GPC5: variants seen among roughly 807,000 people sequenced by gnomAD.
GPC5 encodes the protein glypican 5, also known as glypican-5.
A neutral mutation model predicts 53.9 loss-of-function variants in GPC5; 47 were observed. The observed-to-expected ratio is 0.87, with a 90% CI of 0.69 to 1.11. The LOEUF (loss-of-function observed/expected upper bound fraction) is 1.11. Among genes scored for constraint, GPC5 ranks in the 50% most tolerant of loss-of-function variants. The pLI is 0.00. For synonymous variants in GPC5, 286 were observed against 263.3 expected (o/e 1.09, Z -0.84); for missense variants, 748 against 713.1 (o/e 1.05, Z -0.56).
chr13:92,413,104 C>G (rs1392571935), intron 7 of GPC5, among the ~76,000 whole-genome samples: 1 of 152,106 alleles, frequency 6.6e-6, no homozygotes, highest in Non-Finnish European at 1.5e-5. Context: ...ATTTTATAGA[C>G]AAAGACGCAG....
intron 7 of GPC5, among the ~76,000 whole-genome samples, chr13:92,402,822 G>A (rs1875619672): frequency 6.6e-6 from 1 of 152,144 alleles, no homozygotes; most frequent in South Asian, 2.1e-4. Context: ...GTGCTCATTT[G>A]GAATATCTCA....
intron 6 of GPC5, among the ~76,000 whole-genome samples, chr13:91,975,520 A>G (rs1452398541): frequency 2.0e-5 from 3 of 152,270 alleles, no homozygotes; most frequent in Non-Finnish European, 4.4e-5. Flanking sequence ...ACATGAAAAA[A>G]TGCTCATCAT....
chr13:91,545,344 G>T (rs1052612104), intron 2 of GPC5, among the ~76,000 whole-genome samples: 1 of 152,148 alleles, frequency 6.6e-6, no homozygotes, highest in Non-Finnish European at 1.5e-5. Flanking sequence ...GCTTTTGGAT[G>T]TGGACTGTGA....
rs989264403 is a variant in GPC5, at chr13:91,439,199, G to T, written c.164-9562G>T. On this transcript the variant is annotated intron_variant, in intron 1 of 7. Transcript: ENST00000377067. Reference sequence around the variant, plus strand: ...CAACCAGAGATGGTTATACCCAAGGGGGGGACATTTAGCAATGTCTAGAGA... The same window carrying T: ...CAACCAGAGATGGTTATACCCAAGGTGGGGACATTTAGCAATGTCTAGAGA... Among the ~76,000 whole-genome samples the T allele has an allele frequency of 3.9e-5, 6 of 152,332 alleles. No individual in the cohort carries two copies. In the East Asian group the frequency reaches 7.7e-4, roughly 20 times the overall value.
intron 2 of GPC5, among the ~76,000 whole-genome samples, chr13:91,476,180 G>A (rs1882918186): frequency 6.6e-6 from 1 of 152,148 alleles, no homozygotes; most frequent in African/African-American, 2.4e-5. Flanking sequence ...CTACCCACTA[G>A]ATGCCAGTAG....
chr13:92,761,712 TTAAAG>T (rs1193955162), intron 7 of GPC5, among the ~76,000 whole-genome samples: 1 of 152,200 alleles, frequency 6.6e-6, no homozygotes, highest in Non-Finnish European at 1.5e-5. Flanking sequence ...TCCATTTACA[TTAAAG>T]TAATTATTGA....
intron 2 of GPC5, among the ~76,000 whole-genome samples, chr13:91,597,888 A>G (rs1305950867): frequency 2.0e-5 from 3 of 147,992 alleles, no homozygotes; most frequent in Non-Finnish European, 4.5e-5. Context: ...ATTTACTTGA[A>G]TTTTTCAAGC....
Position 92,398,894 on chromosome 13 carries a change from C to G in GPC5, c.1561+253905C>G, listed in dbSNP as rs111358493. On this transcript the variant is annotated intron_variant, in intron 7 of 7. Coordinates refer to ENST00000377067, the MANE Select transcript of GPC5 (RefSeq NM_004466.6). ...CCAGCTGAATCTACTGCTATAATCT[C>G]TCTTTCTCTCCCCCACCTTTCCATC... Among the ~76,000 whole-genome samples the G allele has an allele frequency of 3.8e-3, 581 of 152,270 alleles. 5 individuals carry two copies. Among genetic ancestry groups the G allele is most frequent in the African/African-American group, 0.014 (562 of 41,554 alleles).
At chr13:92,089,385 G>A (rs1164076718) in intron 6 of GPC5, among the ~76,000 whole-genome samples, 8 of 152,280 alleles carry the variant, frequency 5.3e-5, no homozygotes, top group African/African-American at 1.9e-4. Flanking sequence ...AGTGAGCCCA[G>A]ATTGGGCCAC....
intron 7 of GPC5, among the ~76,000 whole-genome samples, chr13:92,627,630 C>T (rs564166534): frequency 1.8e-4 from 27 of 152,244 alleles, no homozygotes; most frequent in African/African-American, 6.3e-4. Context: ...ATGAGCAGTC[C>T]ATGATGAGAC....
At chr13:92,657,593 T>TG (rs1221878645) in intron 7 of GPC5, among the ~76,000 whole-genome samples, 14 of 149,112 alleles carry the variant, frequency 9.4e-5, no homozygotes, top group African/African-American at 3.2e-4. Flanking sequence ...TTTTTTTTTT[T>TG]TTTTTTTTTT....
chr13:92,646,962 GTGTGTA>G (rs1411009193), intron 7 of GPC5, among the ~76,000 whole-genome samples: 16 of 151,048 alleles, frequency 1.1e-4, no homozygotes, highest in Admixed American at 6.0e-4. Context: ...GTGTGTGTGT[GTGTGTA>G]TATAAACCTG....
At chr13:92,349,585 A>C (rs1184796903) in intron 7 of GPC5, among the ~76,000 whole-genome samples, 2 of 152,124 alleles carry the variant, frequency 1.3e-5, no homozygotes, top group Admixed American at 6.5e-5. Context: ...CTGATACCAC[A>C]TAATAGAATC....
At position 92,407,032 on chromosome 13, in the gene GPC5, G is replaced by C. The variant is rs540720555; in HGVS notation, c.1561+262043G>C. ...ATTTGAAGCTAAAAAATGTGCTCTT[G>C]AAATTCTCTATAAGGTAAAATTTTA... is the stretch of plus-strand genomic sequence containing the variant. On this transcript the variant is annotated intron_variant, in intron 7 of 7. Coordinates refer to ENST00000377067, the MANE Select transcript of GPC5 (RefSeq NM_004466.6). Among the ~76,000 whole-genome samples the C allele has an allele frequency of 8.5e-5, 13 of 152,182 alleles. 1 individual carries two copies. In the South Asian group the frequency reaches 2.3e-3, roughly 27 times the overall value.
At chr13:92,047,274 A>T (rs2138832934) in intron 6 of GPC5, among the ~76,000 whole-genome samples, 1 of 152,224 alleles carries the variant, frequency 6.6e-6, no homozygotes, top group Admixed American at 6.5e-5. Context: ...ACATTAATTA[A>T]ATCATCTTAG....
chr13:92,139,910 A>C (rs964436700), intron 6 of GPC5, among the ~76,000 whole-genome samples: 2 of 152,206 alleles, frequency 1.3e-5, no homozygotes, highest in African/African-American at 4.8e-5. Context: ...AGATGTATTT[A>C]GCGTCTACAA....
chr13:92,020,160 C>T (rs894839491), intron 6 of GPC5, among the ~76,000 whole-genome samples: 2 of 152,044 alleles, frequency 1.3e-5, no homozygotes, highest in African/African-American at 4.8e-5. Context: ...CTTTCTTTGA[C>T]TCTGCTCTGT....
intron 5 of GPC5, among the ~76,000 whole-genome samples, chr13:91,905,791 G>C (rs1433439566): frequency 6.6e-6 from 1 of 152,062 alleles, no homozygotes; most frequent in Non-Finnish European, 1.5e-5. Flanking sequence ...GGGAAGGAAA[G>C]TTACATTAAA....
At chr13:92,495,454 T>C (rs1879936240) in intron 7 of GPC5, among the ~76,000 whole-genome samples, 1 of 152,196 alleles carries the variant, frequency 6.6e-6, no homozygotes, top group African/African-American at 2.4e-5. Context: ...ACTATATTTT[T>C]ATCTACAGAA....
Sources: allele counts gnomAD v4.1 joint callset (sites outside exome capture counted in the v4.1 genomes callset), GRCh38; gene constraint gnomAD v4.1.1; transcripts MANE v1.5; gene names NCBI Gene and HGNC (gene_info 2026-07-23, HGNC 2026-07-21).